The following RERE variants were observed in gnomAD, a reference collection of about 807,000 sequenced individuals.
The protein encoded by RERE is arginine-glutamic acid dipeptide repeats protein.
A neutral mutation model predicts 146.1 loss-of-function variants in RERE; 40 were observed. That is an observed-to-expected ratio of 0.27 (90% CI 0.21 to 0.36). The LOEUF (loss-of-function observed/expected upper bound fraction) is 0.36, where lower values mean the gene tolerates loss of function less well. RERE is among the 10% of genes least tolerant of loss of function. The pLI is 1.00. For synonymous variants in RERE, 1,003 were observed against 866.0 expected (o/e 1.16, Z -2.78); for missense variants, 1,933 against 2,138.7 (o/e 0.90, Z 1.90).
At chr1:8,774,017 T>A (rs560130868) in intron 1 of RERE, among the ~76,000 whole-genome samples, 1 of 152,294 alleles carries the variant, frequency 6.6e-6, no homozygotes, top group East Asian at 1.9e-4. Context: ...CTCAACAGGA[T>A]CCTATCATAA....
chr1:8,444,897 C>T (rs1644297896), intron 11 of RERE, among the ~76,000 whole-genome samples: 1 of 149,058 alleles, frequency 6.7e-6, no homozygotes, highest in Non-Finnish European at 1.5e-5. Flanking sequence ...AACTGTGCGC[C>T]AATTAAACCT....
intron 2 of RERE, among the ~76,000 whole-genome samples, chr1:8,651,043 G>A (rs1199731471): frequency 5.3e-5 from 8 of 151,884 alleles, no homozygotes; most frequent in Admixed American, 4.6e-4. Flanking sequence ...GTTGCAGTGA[G>A]TTGAGATCTC....
intron 1 of RERE, among the ~76,000 whole-genome samples, chr1:8,747,918 G>C (rs900949016): frequency 2.4e-4 from 37 of 152,002 alleles, no homozygotes; most frequent in African/African-American, 8.9e-4. Flanking sequence ...AGGATTACAG[G>C]TGCATGCCAC....
intron 10 of RERE, among the ~76,000 whole-genome samples, chr1:8,470,452 G>A (rs1346102395): frequency 1.3e-5 from 2 of 152,048 alleles, no homozygotes; most frequent in African/African-American, 2.4e-5. Flanking sequence ...TAGTAGAGAT[G>A]GGGTTTCGCC....
intron 11 of RERE, among the ~76,000 whole-genome samples, chr1:8,442,643 A>G (rs1644265070): frequency 6.6e-6 from 1 of 152,162 alleles, no homozygotes; most frequent in Admixed American, 6.5e-5. Context: ...CTAATTCGGA[A>G]AATTGGTGCC....
intron 6 of RERE, among the ~76,000 whole-genome samples, chr1:8,547,960 C>T (rs1009087454): frequency 2.0e-4 from 31 of 152,098 alleles, no homozygotes; most frequent in African/African-American, 7.2e-4. Flanking sequence ...AACGTAAATG[C>T]TCATGCACAA....
At chr1:8,527,449 AC>A (rs1277239846) in intron 7 of RERE, among the ~76,000 whole-genome samples, 10 of 152,336 alleles carry the variant, frequency 6.6e-5, no homozygotes, top group South Asian at 2.1e-4. Flanking sequence ...TTAAAAAAAA[AC>A]AAACTATCTA....
At chr1:8,753,631 C>T (rs1012553556) in intron 1 of RERE, 10 of 152,262 alleles carry the variant, frequency 6.6e-5, no homozygotes, top group East Asian at 3.9e-4. Flanking sequence ...CATTATAACA[C>T]TCAGTTTTAA....
chr1:8,737,556 G>A (rs777384631), intron 1 of RERE, among the ~76,000 whole-genome samples: 2 of 152,034 alleles, frequency 1.3e-5, no homozygotes, highest in Admixed American at 6.5e-5. Context: ...AAACTGTTCT[G>A]AGCTCTATCA....
At chr1:8,599,511 CA>C (rs1327466169) in intron 4 of RERE, among the ~76,000 whole-genome samples, 1 of 151,786 alleles carries the variant, frequency 6.6e-6, no homozygotes, top group African/African-American at 2.4e-5. Context: ...TTAATAATTC[CA>C]AAAAAACACA....
chr1:8,611,532 A>C (rs1376221408), intron 4 of RERE, among the ~76,000 whole-genome samples: 1 of 152,124 alleles, frequency 6.6e-6, no homozygotes, highest in Non-Finnish European at 1.5e-5. Flanking sequence ...ACAAAAAAAC[A>C]CTACTCAAAT....
chr1:8,549,001 ATC>A (rs1645900970), intron 6 of RERE, among the ~76,000 whole-genome samples: 1 of 152,130 alleles, frequency 6.6e-6, no homozygotes, highest in Non-Finnish European at 1.5e-5. Flanking sequence ...ATAAAATAAA[ATC>A]TTCTAGTGTT....
At chr1:8,459,176 A>G (rs531972008) in intron 11 of RERE, among the ~76,000 whole-genome samples, 36 of 152,348 alleles carry the variant, frequency 2.4e-4, no homozygotes, top group South Asian at 2.3e-3. Context: ...AAAATAGTCC[A>G]ATTTTATTAA....
At chr1:8,815,425 G>A (rs1199533839) in intron 1 of RERE, among the ~76,000 whole-genome samples, 1 of 152,064 alleles carries the variant, frequency 6.6e-6, no homozygotes, top group Non-Finnish European at 1.5e-5. Context: ...ACAAATCACT[G>A]TCCCCAACAA....
intron 1 of RERE, among the ~76,000 whole-genome samples, chr1:8,731,605 G>A (rs935604796): frequency 1.3e-5 from 2 of 150,288 alleles, no homozygotes; most frequent in African/African-American, 2.4e-5. Context: ...AAAAAAAAAT[G>A]CATTACAACT....
At chr1:8,417,870 GTCTCCGTGCC>G (rs1643821098) in intron 12 of RERE, among the ~76,000 whole-genome samples, 1 of 152,128 alleles carries the variant, frequency 6.6e-6, no homozygotes, top group Non-Finnish European at 1.5e-5. Flanking sequence ...ACAATTTCCT[GTCTCCGTGCC>G]TTTGTTCATA....
chr1:8,732,715 C>A (rs1286686028), intron 1 of RERE, among the ~76,000 whole-genome samples: 1 of 150,442 alleles, frequency 6.6e-6, no homozygotes, highest in Non-Finnish European at 1.5e-5. Context: ...CACACTCATG[C>A]AAGATGTTAA....
intron 1 of RERE, among the ~76,000 whole-genome samples, chr1:8,701,342 CCTCT>C (rs148777324): frequency 0.016 from 2,418 of 149,860 alleles, 59 homozygotes; most frequent in African/African-American, 0.054. Flanking sequence ...TCCCTCCCTC[CCTCT>C]CTCAGGCATT....
At position 8,607,723 on chromosome 1, in the gene RERE, G is replaced by A. The variant is rs1457242271; in HGVS notation, c.522+6838C>T. On this transcript the variant is annotated intron_variant, in intron 4 of 22. Coordinates refer to ENST00000400908, the MANE Select transcript of RERE (RefSeq NM_001042681.2). ...ATCACAGCCACACAACACCATATCTGGCTTTTTTTTTTTTTTTTTTGAGAT... is the reference window on the plus strand; with the variant it reads ...ATCACAGCCACACAACACCATATCTAGCTTTTTTTTTTTTTTTTTTGAGAT... 2.7e-5 allele frequency among the ~76,000 whole-genome samples: 3 copies of A among 110,880 alleles called. No individual in the cohort carries two copies. The Admixed American group carries it at 3.1e-4, about 11-fold the overall frequency. 72.7% of individuals were successfully genotyped at this position (110,880 alleles called of 152,430 possible).
Sources: allele counts gnomAD v4.1 joint callset (sites outside exome capture counted in the v4.1 genomes callset), GRCh38; gene constraint gnomAD v4.1.1; transcripts MANE v1.5; gene names NCBI Gene and HGNC (gene_info 2026-07-23, HGNC 2026-07-21).